The following SMG1 variants were observed in gnomAD, a reference collection of about 807,000 sequenced individuals.
SMG1 encodes the protein SMG1 nonsense mediated mRNA decay associated PI3K related kinase, also known as serine/threonine-protein kinase SMG1.
Under a neutral mutation model 419.9 loss-of-function variants are expected in SMG1, and 22 were observed. The observed-to-expected ratio is 0.05, with a 90% CI of 0.04 to 0.07. The LOEUF is 0.07. SMG1 is among the 10% of genes least tolerant of loss of function. The pLI is 1.00. For synonymous variants in SMG1, 1,538 were observed against 1,553.5 expected (o/e 0.99, Z 0.23); for missense variants, 3,185 against 4,342.0 (o/e 0.73, Z 7.49).
Position 18,854,645 on chromosome 16 carries a change from A to T in SMG1, c.4483+11T>A, listed in dbSNP as rs929675772. On this transcript the variant is annotated intron_variant, in intron 30 of 62. Coordinates refer to ENST00000446231, the MANE Select transcript of SMG1 (RefSeq NM_015092.5). ...TATACTCATGTATTAACCATAATTA[A>T]TTTTACTAACCTGCTGTATAAAGCA... 1 of 1,608,014 alleles carries T rather than the reference A, an allele frequency of 6.2e-7. No homozygotes were observed. Among genetic ancestry groups the T allele is most frequent in the East Asian group, 2.2e-5 (1 of 44,820 alleles).
chr16:18,852,090 C>T lies in SMG1; in HGVS notation c.5029G>A (p.Val1677Met), dbSNP rs770792137. Residue 1677 changes from valine to methionine, a missense_variant, in exon 33 of 63, where the codon GTG (valine) becomes ATG (methionine). Physicochemically the swap from Val to Met is conservative, Grantham distance 21. Around this residue, in one of 27 missense-constraint regions of SMG1, gnomAD observed 493 missense variants for 552.9 expected, o/e 0.89. Transcript: ENST00000446231. ...ERIYGILGQA[V>M]CRPAGIQDED... is the part of the protein sequence containing the mutation. The stretch of plus-strand genomic sequence containing the variant: ...GCCTGAATCCCCGCCGGCCGACACA[C>T]AGCCTGTCCAAGAATACCATATATT... The T allele has an allele frequency of 6.2e-7, 1 of 1,612,850 alleles. No homozygotes were observed. Among genetic ancestry groups the T allele is most frequent in the East Asian group, 2.2e-5 (1 of 44,858 alleles).
At chr16:18,863,116 C>A (rs1446026153) in intron 25 of SMG1, among the ~76,000 whole-genome samples, 1 of 152,172 alleles carries the variant, frequency 6.6e-6, no homozygotes, top group African/African-American at 2.4e-5. Flanking sequence ...TACACATTAA[C>A]CCATTTAGCA....
At chr16:18,864,467 G>A (rs2035390392) in intron 23 of SMG1, among the ~76,000 whole-genome samples, 1 of 151,674 alleles carries the variant, frequency 6.6e-6, no homozygotes, top group African/African-American at 2.4e-5. Context: ...CAAAATGCTG[G>A]GATTATGGGC....
chr16:18,816,096 TTC>T (rs938172716), intron 58 of SMG1: 1 of 578,450 alleles, frequency 1.7e-6, no homozygotes, highest in African/African-American at 1.9e-5. Flanking sequence ...AAGCCTTAGC[TTC>T]TCTGTGTATG....
intron 56 of SMG1, 65 bp from the exon 57 acceptor site, chr16:18,817,535 TA>T: frequency 1.6e-6 from 2 of 1,288,472 alleles, no homozygotes; most frequent in Non-Finnish European, 2.1e-6. Context: ...AGGTGGCAAT[TA>T]ATAACATGAA....
rs1050946113 is a variant in SMG1 at position 18,864,119 on chromosome 16, G to T, written c.3376C>A (p.Gln1126Lys). 3.9e-6 allele frequency: 6 copies of T among 1,547,128 alleles called. No individual in the cohort carries two copies. The highest frequency in any genetic ancestry group is 2.0e-5 in the Admixed American group (1 of 50,602). The change falls in exon 24 of 63, where the codon CAG (glutamine) becomes AAG (lysine). Residue 1126 changes from glutamine to lysine, a missense_variant. Transcript: ENST00000446231. ...CCTGTCATGGCACACAGGTGTTCCT[G>T]GTACTCCACAGAGGCCTTTTCAAAC... ...GRFEKASVEY[Q>K]EHLCAMTGVD...
intron 60 of SMG1, among the ~76,000 whole-genome samples, chr16:18,812,599 CACATATATAT>C (rs2031539588): frequency 6.9e-6 from 1 of 144,556 alleles, no homozygotes; most frequent in Admixed American, 7.2e-5. Flanking sequence ...CATATATATA[CACATATATAT>C]ACATACACAC....
At position 18,836,488 on chromosome 16, in the gene SMG1, T is replaced by C; in HGVS notation, c.7649A>G (p.Gln2550Arg). Residue 2550 changes from glutamine (Q) to arginine (R), a missense_variant, in exon 47 of 63, where the codon CAG becomes CGG. Coordinates refer to ENST00000446231, the MANE Select transcript of SMG1 (RefSeq NM_015092.5). ...TQLQTQQRAVQEAIQVKLNEF... is the reference protein window; with the variant it reads ...TQLQTQQRAVREAIQVKLNEF... Reference sequence around the variant, plus strand: ...ATTCAGCTTCACCTGGATTGCTTCCTGAACAGCTCTTTGCTGAGTCTGTAG... The same window carrying C: ...ATTCAGCTTCACCTGGATTGCTTCCCGAACAGCTCTTTGCTGAGTCTGTAG... 6.2e-7 allele frequency: 1 copy of C among 1,614,070 alleles called. No homozygotes were observed. Among genetic ancestry groups the C allele is most frequent in the East Asian group, 2.2e-5 (1 of 44,894 alleles).
chr16:18,829,710 T>C lies in SMG1; in HGVS notation c.9179A>G (p.Gln3060Arg), dbSNP rs2033030679. The change falls in exon 54 of 63, where the codon CAG (glutamine) becomes CGG (arginine). Residue 3060 changes from glutamine (Q) to arginine (R), a missense_variant. Around this residue, in one of 27 missense-constraint regions of SMG1, gnomAD observed 737 missense variants for 846.6 expected, o/e 0.87. Transcript: ENST00000446231. The stretch of plus-strand genomic sequence containing the variant: ...AAAAAGGGTTTTCACATTGACAATC[T>C]GTACAGGCCCATTCACAGTATTCTG... ...EDQNTVNGPV[Q>R]IVNVKTLFRN... 6.2e-7 allele frequency: 1 copy of C among 1,613,288 alleles called. No homozygotes were observed. Among genetic ancestry groups the C allele is most frequent in the Non-Finnish European group, 8.5e-7 (1 of 1,179,334 alleles).
intron 55 of SMG1, 57 bp downstream of exon 55, chr16:18,827,974 A>G: frequency 6.5e-7 from 1 of 1,547,586 alleles, no homozygotes; most frequent in Non-Finnish European, 8.8e-7. Context: ...TAACAATCAT[A>G]GTATTGGTTA....
chr16:18,810,289 A>C (rs2031258947), intron 62 of SMG1, among the ~76,000 whole-genome samples: 1 of 152,172 alleles, frequency 6.6e-6, no homozygotes, highest in African/African-American at 2.4e-5. Context: ...CTGATGTTGC[A>C]TTCCTTCCAA....
chr16:18,861,028 C>G, intron 25 of SMG1: 1 of 380,302 alleles, frequency 2.6e-6, no homozygotes, highest in Non-Finnish European at 4.8e-6. Flanking sequence ...CTGACTCGCC[C>G]CTGTGTCTCC....
rs768286247 is a variant in SMG1, at chr16:18,876,357, G to A, written c.1657C>T (p.Leu553Phe). ...AAAACAGGAATATTCTTCAAGCTGA[G>A]CACTGCTTGATAAACAGCATGGGCT... ...AVAHAVYQAV[L>F]SLKNIPVLET... Residue 553 changes from leucine (L) to phenylalanine (F), a missense_variant, in exon 13 of 63, where the codon CTC becomes TTC. This residue lies in a region of SMG1 where 297 missense variants were observed against 491.0 expected (regional missense o/e 0.60). Coordinates refer to ENST00000446231, the MANE Select transcript of SMG1 (RefSeq NM_015092.5). 1 of 1,610,810 alleles carries A rather than the reference G, an allele frequency of 6.2e-7. No individual in the cohort carries two copies. The highest frequency in any genetic ancestry group is 8.5e-7 in the Non-Finnish European group (1 of 1,179,182).
chr16:18,883,186 T>C (rs537312091), intron 9 of SMG1, among the ~76,000 whole-genome samples: 6 of 152,234 alleles, frequency 3.9e-5, no homozygotes, highest in Non-Finnish European at 8.8e-5. Context: ...TTGGTTGATC[T>C]GAATAGGGGA....
At chr16:18,886,377 A>T (rs1246884121) in intron 6 of SMG1, among the ~76,000 whole-genome samples, 3 of 152,240 alleles carry the variant, frequency 2.0e-5, no homozygotes, top group African/African-American at 7.2e-5. Context: ...GCAAAAATAA[A>T]ATAATAAATC....
intron 1 of SMG1, among the ~76,000 whole-genome samples, chr16:18,916,513 CAAAAA>C (rs59985733): frequency 1.6e-4 from 11 of 68,944 alleles, no homozygotes; most frequent in East Asian, 7.5e-4. Flanking sequence ...GACTCCATCT[CAAAAA>C]AAAAAAAAAA....
chr16:18,853,432 GT>G, intron 31 of SMG1, 150 bp downstream of exon 31: 1 of 739,496 alleles, frequency 1.4e-6, no homozygotes, highest in Non-Finnish European at 2.0e-6. Flanking sequence ...TCCTAAATAT[GT>G]TTTAGTTATT....
Position 18,899,073 on chromosome 16 carries a change from T to C in SMG1, c.93-2117A>G, listed in dbSNP as rs191471444. 2.1e-4 allele frequency among the ~76,000 whole-genome samples: 32 copies of C among 152,262 alleles called. No individual in the cohort carries two copies. The East Asian group carries it at 5.4e-3, about 26-fold the overall frequency. On this transcript the variant is annotated intron_variant, in intron 1 of 62. Coordinates refer to ENST00000446231, the MANE Select transcript of SMG1 (RefSeq NM_015092.5). ...GGTATGTTAAAAGTTATTATGACCATAATACAAAATAAACTCAGTTTCCAG... is the reference window on the plus strand; with the variant it reads ...GGTATGTTAAAAGTTATTATGACCACAATACAAAATAAACTCAGTTTCCAG...
intron 40 of SMG1, 145 bp downstream of exon 40, chr16:18,842,063 G>C (rs2033957401): frequency 5.3e-6 from 5 of 936,552 alleles, no homozygotes; most frequent in Non-Finnish European, 7.9e-6. Context: ...CCGTTCAAAA[G>C]CACATAAGAT....
Sources: gnomAD v4.1 joint callset for allele counts (sites outside exome capture counted in the v4.1 genomes callset) on GRCh38, gnomAD v4.1.1 for gene constraint, gnomAD v4.1.1 regional missense constraint, MANE v1.5 for transcripts, NCBI Gene and HGNC (gene_info 2026-07-23, HGNC 2026-07-21) for gene names.